The following NSUN4 variants were observed in gnomAD, a reference collection of about 807,000 sequenced individuals.
The protein encoded by NSUN4 is 5-cytosine rRNA methyltransferase NSUN4.
A neutral mutation model predicts 43.8 loss-of-function variants in NSUN4; 31 were observed. The observed-to-expected ratio is 0.71, with a 90% CI of 0.53 to 0.96. NSUN4 has a LOEUF of 0.96. Among genes scored for constraint, NSUN4 ranks in the 40% least tolerant of loss-of-function variants. The pLI, the probability that NSUN4 is intolerant of heterozygous loss-of-function variation, is 0.00. For synonymous variants in NSUN4, 167 were observed against 184.1 expected, an observed-to-expected ratio of 0.91 and a Z score of 0.75; for missense variants, 439 against 475.6, an observed-to-expected ratio of 0.92 and a Z score of 0.72.
At chr1:46,361,429 T>C (rs757478278) in intron 5 of NSUN4, 141 bp from the exon 6 acceptor site, 75 of 706,290 alleles carry the variant, frequency 1.1e-4, no homozygotes, top group Non-Finnish European at 1.6e-4. Flanking sequence ...ACAGTGTCAT[T>C]GTGGAAGGGA....
chr1:46,383,474 G>A, the NSUN4 span, among the ~76,000 whole-genome samples: 82 of 104,776 alleles, frequency 7.8e-4, no homozygotes, highest in African/African-American at 2.7e-3. Context: ...TTTTTTTTCC[G>A]AGATGGAGTC....
the NSUN4 span, among the ~76,000 whole-genome samples, chr1:46,382,822 G>A: frequency 3.9e-5 from 6 of 152,058 alleles, no homozygotes; most frequent in Admixed American, 3.3e-4. Context: ...GGCTGGTCTC[G>A]AACTCCTAAC....
chr1:46,378,707 A>G, the NSUN4 span, among the ~76,000 whole-genome samples: 2 of 152,292 alleles, frequency 1.3e-5, no homozygotes, highest in East Asian at 1.9e-4. Flanking sequence ...GTCTGAGTCT[A>G]TGGTTTGGTG....
intron 1 of NSUN4, chr1:46,341,994 C>T: frequency 6.6e-6 from 8 of 1,216,572 alleles, no homozygotes; most frequent in Non-Finnish European, 8.2e-6. Context: ...GACCTCCCCT[C>T]AGCTCACTCA....
chr1:46,382,323 A>G, the NSUN4 span, among the ~76,000 whole-genome samples: 3 of 152,204 alleles, frequency 2.0e-5, no homozygotes, highest in Non-Finnish European at 2.9e-5. Flanking sequence ...AAATAGGGCC[A>G]CTATGCAATG....
At chr1:46,342,837 C>A (rs188991877) in intron 1 of NSUN4, 91 of 400,044 alleles carry the variant, frequency 2.3e-4, no homozygotes, top group African/African-American at 1.8e-3. Flanking sequence ...CCAGCACACC[C>A]CTTCTGGCCA....
At chr1:46,343,023 T>C (rs68191463) in intron 1 of NSUN4, 94,657 of 399,538 alleles carry the variant, frequency 0.24, 12,722 homozygotes, top group Non-Finnish European at 0.29. Context: ...CCCCACTTCT[T>C]TTCCCCTCTG....
chr1:46,368,428 G>C (rs1305106372), downstream of NSUN4, among the ~76,000 whole-genome samples: 1 of 152,156 alleles, frequency 6.6e-6, no homozygotes, highest in Non-Finnish European at 1.5e-5. Context: ...CTGCATGTAG[G>C]CCTCAAGAAG....
At chr1:46,370,647 T>A in the NSUN4 span, 1 of 152,020 alleles carries the variant, frequency 6.6e-6, no homozygotes, top group Non-Finnish European at 1.5e-5. Flanking sequence ...ATAGAAATTA[T>A]TCCAAAATTA....
downstream of NSUN4, among the ~76,000 whole-genome samples, chr1:46,365,548 G>C (rs528451133): frequency 2.0e-5 from 3 of 152,016 alleles, no homozygotes; most frequent in African/African-American, 7.2e-5. Flanking sequence ...CGCCATGTTG[G>C]CCAGGCTGGT....
chr1:46,371,901 G>A, the NSUN4 span, among the ~76,000 whole-genome samples: 2 of 152,190 alleles, frequency 1.3e-5, no homozygotes, highest in South Asian at 4.2e-4. Context: ...TTATCATTGA[G>A]GAGATGGCCC....
chr1:46,360,249 A>AAAAAAAAATATATAT (rs1553177947), intron 4 of NSUN4, among the ~76,000 whole-genome samples: 3 of 25,770 alleles, frequency 1.2e-4, no homozygotes, highest in African/African-American at 3.9e-4. Context: ...AAAAAAAAAA[A>AAAAAAAAATATATAT]ATATATATAT....
At chr1:46,358,902 CTTCTCACTCCTGCTCTTTCTCCCT>C (rs1256065221) in intron 4 of NSUN4, among the ~76,000 whole-genome samples, 2 of 152,144 alleles carry the variant, frequency 1.3e-5, no homozygotes, top group Non-Finnish European at 2.9e-5. Flanking sequence ...TCTTTCTCCC[CTTCTCACTCCTGCTCTTTCTCCCT>C]TTCTCACTCC....
intron 1 of NSUN4, 160 bp downstream of exon 1, chr1:46,341,079 C>T: frequency 8.5e-7 from 1 of 1,171,856 alleles, no homozygotes; most frequent in Non-Finnish European, 1.2e-6. Flanking sequence ...CCGCCTCTGT[C>T]CGCACTCTAT....
chr1:46,360,249 A>AATATATATATATATATATAT, intron 4 of NSUN4, among the ~76,000 whole-genome samples: 1 of 25,768 alleles, frequency 3.9e-5, no homozygotes, highest in East Asian at 1.7e-3. Flanking sequence ...AAAAAAAAAA[A>AATATATATATATATATATAT]ATATATATAT....
downstream of NSUN4, among the ~76,000 whole-genome samples, chr1:46,367,394 C>G (rs978589146): frequency 6.6e-6 from 1 of 152,100 alleles, no homozygotes; most frequent in African/African-American, 2.4e-5. Flanking sequence ...TCACAGAAAC[C>G]CTGGGATATG....
chr1:46,367,640 G>C (rs72677595), downstream of NSUN4, among the ~76,000 whole-genome samples: 1 of 152,076 alleles, frequency 6.6e-6, no homozygotes, highest in Non-Finnish European at 1.5e-5. Context: ...TCCTTGCAGA[G>C]TAAGGCTAAC....
rs1019041138 is a variant in NSUN4 at position 46,361,972 on chromosome 1, G to A, written c.*126G>A. The A allele has an allele frequency of 3.1e-5, 26 of 842,310 alleles. No individual in the cohort carries two copies. The Admixed American group carries it at 5.1e-4, about 16-fold the overall frequency. The allele number at this position is 842,310 out of a possible 1,614,324, so 52.2% of individuals were successfully genotyped here. A position where few individuals can be genotyped will look rare whatever the true frequency, so the allele number is the denominator to read the frequency against. ...GTCTCCATCCTGTTCGTGTCTTTCT[G>A]CAGTTTTCGGCAATAAGAAGTAGAA... On this transcript the variant is annotated 3_prime_UTR_variant, in exon 6 of 6. Coordinates refer to ENST00000474844, the MANE Select transcript of NSUN4 (RefSeq NM_199044.4).
At chr1:46,345,372 A>G in intron 2 of NSUN4, 1 of 491,184 alleles carries the variant, frequency 2.0e-6, no homozygotes, top group Non-Finnish European at 3.6e-6. Context: ...ATTTGGAGAA[A>G]CTGAGGTACA....
Sources: gnomAD v4.1 joint callset for allele counts (sites outside exome capture counted in the v4.1 genomes callset) on GRCh38, gnomAD v4.1.1 for gene constraint, MANE v1.5 for transcripts, NCBI Gene and HGNC (gene_info 2026-07-23, HGNC 2026-07-21) for gene names.